LCA5: variants seen among roughly 807,000 people sequenced by gnomAD.
The protein encoded by LCA5 is lebercilin LCA5.
Under a neutral mutation model 53.0 loss-of-function variants are expected in LCA5, and 37 were observed. That is an observed-to-expected ratio of 0.70 (90% CI 0.54 to 0.92). LCA5 has a LOEUF of 0.92. LCA5 is among the 40% of genes least tolerant of loss of function. LCA5 has a pLI of 0.00. For synonymous variants in LCA5, 303 were observed against 282.9 expected, an observed-to-expected ratio of 1.07 and a Z score of -0.71; for missense variants, 806 against 790.5, an observed-to-expected ratio of 1.02 and a Z score of -0.23.
At chr6:79,505,493 T>C (rs866423939) in intron 3 of LCA5, among the ~76,000 whole-genome samples, 4 of 152,292 alleles carry the variant, frequency 2.6e-5, no homozygotes, top group Middle Eastern at 3.4e-3. Context: ...ACTTTTTGCA[T>C]ATGAAAGGTT....
chr6:79,490,068 G>C (rs562071202), intron 6 of LCA5, among the ~76,000 whole-genome samples: 2 of 152,082 alleles, frequency 1.3e-5, no homozygotes, highest in East Asian at 1.9e-4. Flanking sequence ...AACAAGACAG[G>C]GGGTGACTAC....
chr6:79,526,051 A>G (rs1002078641), intron 1 of LCA5, among the ~76,000 whole-genome samples: 1 of 152,244 alleles, frequency 6.6e-6, no homozygotes, highest in African/African-American at 2.4e-5. Flanking sequence ...GTAAACAAAA[A>G]GGTGATTAGA....
intron 1 of LCA5, among the ~76,000 whole-genome samples, chr6:79,526,126 C>G (rs945254055): frequency 2.0e-5 from 3 of 152,210 alleles, no homozygotes; most frequent in Non-Finnish European, 4.4e-5. Flanking sequence ...GTAAATTTCA[C>G]AGAAATGCCC....
intron 3 of LCA5, among the ~76,000 whole-genome samples, chr6:79,497,823 A>C (rs1045148971): frequency 4.6e-5 from 7 of 152,004 alleles, no homozygotes; most frequent in African/African-American, 1.7e-4. Context: ...AAATACAAAA[A>C]TTAGCCAGGC....
At chr6:79,515,709 T>G (rs1433463855) in intron 2 of LCA5, among the ~76,000 whole-genome samples, 3 of 152,084 alleles carry the variant, frequency 2.0e-5, no homozygotes, top group Non-Finnish European at 4.4e-5. Flanking sequence ...GGATACTTGA[T>G]TCCATTATGT....
Position 79,513,568 on chromosome 6 carries a change from G to A in LCA5, c.364C>T (p.Leu122Phe), listed in dbSNP as rs372673582. ...INELQNEVSE[L>F]QVKLAELLKE... ...AGCAGCTCAGCTAACTTGACCTGGA[G>A]TTCAGATACTTCATTCTGCAACTCA... is the stretch of plus-strand genomic sequence containing the variant. Residue 122 changes from leucine (L) to phenylalanine (F), a missense_variant, in exon 3 of 8, where the codon CTC becomes TTC. By Grantham distance (22) the Leu-to-Phe change is conservative. Coordinates refer to ENST00000369846, the MANE Select transcript of LCA5 (RefSeq NM_001122769.3). The A allele has an allele frequency of 1.9e-6, 3 of 1,613,762 alleles. No individual in the cohort carries two copies. Among genetic ancestry groups the A allele is most frequent in the African/African-American group, 1.3e-5 (1 of 74,896 alleles).
At chr6:79,491,415 A>G (rs762403713) in intron 6 of LCA5, among the ~76,000 whole-genome samples, 173 bp downstream of exon 6, 13 of 152,260 alleles carry the variant, frequency 8.5e-5, no homozygotes, top group Middle Eastern at 3.4e-3. Flanking sequence ...ATCTCCTAAA[A>G]GCCAAAGGAA....
At position 79,486,836 on chromosome 6, in the gene LCA5, T is replaced by C. The variant is rs1461012383; in HGVS notation, c.*168A>G. 7.1e-6 allele frequency: 4 copies of C among 565,678 alleles called. No individual in the cohort carries two copies. The highest frequency in any genetic ancestry group is 3.4e-5 in the Admixed American group (1 of 29,758). 35.0% of individuals were successfully genotyped at this position (565,678 alleles called of 1,614,324 possible). On this transcript the variant is annotated 3_prime_UTR_variant, in exon 8 of 8. Coordinates refer to ENST00000369846, the MANE Select transcript of LCA5 (RefSeq NM_001122769.3). ...CCTCCTTCATTCTTGGCAAACTATC[T>C]ATGTGGTGTATGTATGATCTACTTC...
At chr6:79,514,124 A>G (rs1766355351) in intron 2 of LCA5, among the ~76,000 whole-genome samples, 1 of 152,198 alleles carries the variant, frequency 6.6e-6, no homozygotes, top group Non-Finnish European at 1.5e-5. Context: ...ACATTGTGAT[A>G]TTCAAGTCAT....
intron 3 of LCA5, among the ~76,000 whole-genome samples, chr6:79,509,943 T>C (rs770005858): frequency 6.6e-6 from 1 of 152,170 alleles, no homozygotes; most frequent in Non-Finnish European, 1.5e-5. Context: ...GATCTATGTT[T>C]AATGCAATTC....
intron 4 of LCA5, 83 bp downstream of exon 4, chr6:79,493,530 T>C (rs1056013188): frequency 3.2e-6 from 4 of 1,265,184 alleles, no homozygotes; most frequent in Non-Finnish European, 4.5e-6. Flanking sequence ...CTTACAAATA[T>C]GAATAGTAAC....
At position 79,536,453 on chromosome 6, in the gene LCA5, T is replaced by C. The variant is rs112141702; in HGVS notation, c.-192+712A>G. ...ACAAAGTGAACAAAAAAGGGGTTTA[T>C]ATCAGATGAACTGGACCAGGGCTCT... On this transcript the variant is annotated intron_variant, in intron 1 of 7. Coordinates refer to ENST00000369846, the MANE Select transcript of LCA5 (RefSeq NM_001122769.3). Among the ~76,000 whole-genome samples the C allele has an allele frequency of 6.6e-3, 1,001 of 152,364 alleles. 4 individuals carry two copies. The highest frequency in any genetic ancestry group is 0.014 in the Middle Eastern group (4 of 294).
Position 79,513,594 on chromosome 6 carries a change from T to A in LCA5, c.338A>T (p.Asn113Ile). ...TTCAGATACTTCATTCTGCAACTCATTGATTTTTAGCAGTCTTGCAGACAG... is the reference window on the plus strand; with the variant it reads ...TTCAGATACTTCATTCTGCAACTCAATGATTTTTAGCAGTCTTGCAGACAG... Reference protein sequence around the residue: ...RILSARLLKINELQNEVSELQ... With the variant: ...RILSARLLKIIELQNEVSELQ... The change falls in exon 3 of 8, where the codon AAT becomes ATT. Residue 113 changes from asparagine (N) to isoleucine (I), a missense_variant. Asn to Ile is a moderately radical substitution (Grantham distance 149). Coordinates refer to ENST00000369846, the MANE Select transcript of LCA5 (RefSeq NM_001122769.3). 1 of 1,613,998 alleles carries A rather than the reference T, an allele frequency of 6.2e-7. No homozygotes were observed. Among genetic ancestry groups the A allele is most frequent in the Non-Finnish European group, 8.5e-7 (1 of 1,179,900 alleles).
rs143582502 is a variant in LCA5 at position 79,487,072 on chromosome 6, C to A, written c.2026G>T (p.Asp676Tyr). Residue 676 changes from aspartate (D) to tyrosine (Y), a missense_variant, in exon 8 of 8, where the codon GAC becomes TAC. Asp to Tyr is a radical substitution (Grantham distance 160). Transcript: ENST00000369846. ...GCTGCTTTTACTGCTGGTTTATCGT[C>A]TGCATGTTTTAATCGGTGCCTATTT... Reference protein sequence around the residue: ...NPNRHRLKHADDKPAVKAADS... With the variant: ...NPNRHRLKHAYDKPAVKAADS... The A allele has an allele frequency of 2.3e-4, 378 of 1,613,890 alleles. No homozygotes were observed. In the African/African-American group the frequency reaches 4.2e-3, roughly 18 times the overall value.
intron 3 of LCA5, 102 bp downstream of exon 3, chr6:79,513,110 C>T: frequency 1.7e-6 from 2 of 1,171,334 alleles, no homozygotes; most frequent in Non-Finnish European, 2.5e-6. Flanking sequence ...TTTTCATTTC[C>T]AAGCAAATAC....
chr6:79,489,020 G>A (rs1043427113), intron 7 of LCA5, 64 bp downstream of exon 7: 8 of 1,562,834 alleles, frequency 5.1e-6, no homozygotes, highest in African/African-American at 4.1e-5. Flanking sequence ...ATTAGAAGAC[G>A]CTCACTCTTT....
chr6:79,501,571 C>A (rs1322084705), intron 3 of LCA5, among the ~76,000 whole-genome samples: 1 of 151,836 alleles, frequency 6.6e-6, no homozygotes, highest in Non-Finnish European at 1.5e-5. Flanking sequence ...CCAGTCCATA[C>A]TTCTCCATTA....
chr6:79,489,114 C>T lies in LCA5; in HGVS notation c.1201G>A (p.Val401Ile), dbSNP rs141821682. Residue 401 changes from valine to isoleucine, a missense_variant, in exon 7 of 8, where the codon GTA becomes ATA. Coordinates refer to ENST00000369846, the MANE Select transcript of LCA5 (RefSeq NM_001122769.3). ...KFVTDEELHVVKQEVEKLEDE... is the reference protein window; with the variant it reads ...KFVTDEELHVIKQEVEKLEDE... ...TCCAGCTTTTCAACCTCCTGTTTTA[C>T]GACATGGAGTTCTTCATCTGTAACA... The T allele has an allele frequency of 1.2e-4, 195 of 1,613,086 alleles. No homozygotes were observed. The highest frequency in any genetic ancestry group is 4.9e-4 in the Middle Eastern group (3 of 6,080).
At chr6:79,510,776 A>C (rs960866742) in intron 3 of LCA5, among the ~76,000 whole-genome samples, 1 of 152,180 alleles carries the variant, frequency 6.6e-6, no homozygotes, top group South Asian at 2.1e-4. Flanking sequence ...GGGCAGAAAA[A>C]TGCACAGATC....
Sources: gnomAD v4.1 joint callset for allele counts (sites outside exome capture counted in the v4.1 genomes callset) on GRCh38, gnomAD v4.1.1 for gene constraint, MANE v1.5 for transcripts, NCBI Gene and HGNC (gene_info 2026-07-23, HGNC 2026-07-21) for gene names.